Variants in COL4A2 observed in about 807,000 individuals in gnomAD.
The protein encoded by COL4A2 is collagen alpha-2(IV) chain.
COL4A2 carries 99 observed loss-of-function variants against 200.2 expected under a neutral mutation model. The observed-to-expected ratio is 0.49, with a 90% confidence interval of 0.42 to 0.58. The LOEUF (loss-of-function observed/expected upper bound fraction) is 0.58. Ranked by LOEUF, COL4A2 falls within the 20% of genes least tolerant of loss-of-function variation. The probability of loss-of-function intolerance (pLI) is 0.00; values close to 1 mark genes in which losing one functional copy is unlikely to be tolerated. For synonymous variants in COL4A2, 897 were observed against 900.6 expected (o/e 1.00, Z 0.07); for missense variants, 1,950 against 2,314.1 (o/e 0.84, Z 3.23).
intron 16 of COL4A2, among the ~76,000 whole-genome samples, chr13:110,441,361 G>A (rs77304337): frequency 0.084 from 12,726 of 152,288 alleles, 648 homozygotes; most frequent in East Asian, 0.24. Context: ...GACACGGGCC[G>A]TCTTGACCCA....
At chr13:110,442,773 C>T (rs1024100065) in intron 16 of COL4A2, among the ~76,000 whole-genome samples, 1 of 101,262 alleles carries the variant, frequency 9.9e-6, no homozygotes, top group Non-Finnish European at 2.3e-5. Flanking sequence ...GGAAACATAT[C>T]TTTAGTAACT....
intron 4 of COL4A2, among the ~76,000 whole-genome samples, chr13:110,409,668 T>A (rs4773180): frequency 9.2e-5 from 14 of 152,304 alleles, no homozygotes; most frequent in South Asian, 2.1e-4. Context: ...TGGAATGGAC[T>A]TTAATGTCAC....
Position 110,469,310 on chromosome 13 carries a change from TC to T in COL4A2, c.2192del (p.Pro731GlnfsTer7). 1 of 1,587,804 alleles carries T rather than the reference TC, an allele frequency of 6.3e-7. No individual in the cohort carries two copies. Among genetic ancestry groups the T allele is most frequent in the Non-Finnish European group, 8.6e-7 (1 of 1,167,054 alleles). On this transcript the variant is annotated frameshift_variant, in exon 28 of 48. Coordinates refer to ENST00000360467, the MANE Select transcript of COL4A2 (RefSeq NM_001846.4). LOFTEE classifies it high-confidence loss of function. ...GLPGDAGREGFPGPPGFIGPR... is the reference protein window; with the variant it reads ...GLPGDAGREGXPGPPGFIGPR... ...CCAGGAGACGCAGGTCGTGAAGGGTTCCCAGGACCCCCAGGTGAGTTGAGAT... is the reference window on the plus strand; with the variant it reads ...CCAGGAGACGCAGGTCGTGAAGGGTTCCAGGACCCCCAGGTGAGTTGAGAT...
chr13:110,410,546 G>A (rs554912359), intron 4 of COL4A2, among the ~76,000 whole-genome samples: 2 of 152,184 alleles, frequency 1.3e-5, no homozygotes, highest in African/African-American at 2.4e-5. Context: ...CTTCCCATTC[G>A]TACATGACCC....
In COL4A2 at chr13:110,409,170, CAT is replaced by C. The variant is rs147023002; in HGVS notation, c.181-15563_181-15562del. On this transcript the variant is annotated intron_variant, in intron 4 of 47. Transcript: ENST00000360467. ...ACATGTACACACATGCACATATACA[CAT>C]GTACACACATACACGCACATATACA... 1.5e-3 allele frequency among the ~76,000 whole-genome samples: 227 copies of C among 152,234 alleles called. 3 individuals are homozygous for C. The East Asian group carries it at 0.028, about 19-fold the overall frequency.
chr13:110,503,189 C>T lies in COL4A2; in HGVS notation c.3946C>T (p.Pro1316Ser), dbSNP rs1361462862. Residue 1316 changes from proline (P) to serine (S), a missense_variant, in exon 42 of 48, where the codon CCA (proline) becomes TCA (serine). Around this residue, in one of 2 missense-constraint regions of COL4A2, gnomAD observed 1,385 missense variants for 1,720.5 expected, o/e 0.80. Coordinates refer to ENST00000360467, the MANE Select transcript of COL4A2 (RefSeq NM_001846.4). Reference sequence around the variant, plus strand: ...TGGAAGCAAAGGTGACACAGGGAACCCAGGAGCTCCAGGAACCCCAGGGAC... The same window carrying T: ...TGGAAGCAAAGGTGACACAGGGAACTCAGGAGCTCCAGGAACCCCAGGGAC... Reference protein sequence around the residue: ...LPGSKGDTGNPGAPGTPGTKG... With the variant: ...LPGSKGDTGNSGAPGTPGTKG... The T allele has an allele frequency of 6.2e-7, 1 of 1,613,900 alleles. No homozygotes were observed. Among genetic ancestry groups the T allele is most frequent in the Non-Finnish European group, 8.5e-7 (1 of 1,180,004 alleles).
chr13:110,379,596 C>T (rs1413198618), intron 4 of COL4A2, among the ~76,000 whole-genome samples: 3 of 152,220 alleles, frequency 2.0e-5, no homozygotes, highest in South Asian at 4.1e-4. Flanking sequence ...AAATCCAACT[C>T]TGGAGGTGCC....
chr13:110,505,892 T>C (rs1428991857), intron 45 of COL4A2, among the ~76,000 whole-genome samples: 3 of 152,182 alleles, frequency 2.0e-5, no homozygotes, highest in African/African-American at 7.2e-5. Flanking sequence ...GGCACATGCC[T>C]ACCTATGGCT....
chr13:110,321,935 G>T (rs1805639405), intron 3 of COL4A2, among the ~76,000 whole-genome samples: 4 of 152,204 alleles, frequency 2.6e-5, no homozygotes, highest in Non-Finnish European at 4.4e-5. Context: ...ATGTGGGGAT[G>T]ATTACAATTC....
rs150599165 is a variant in COL4A2 at position 110,485,140 on chromosome 13, C to T, written c.3025+113C>T. The T allele has an allele frequency of 0.014, 13,845 of 978,290 alleles. 141 individuals are homozygous for T. Among genetic ancestry groups the T allele is most frequent in the Middle Eastern group, 0.031 (91 of 2,968 alleles). 60.6% of individuals were successfully genotyped at this position (978,290 alleles called of 1,614,324 possible). A position where few individuals can be genotyped will look rare whatever the true frequency, so the allele number is the denominator to read the frequency against. ...CCCGTGCCCTCCACCTGGCTTTCTT[C>T]GTGCTTTTCATCTCTGGGCGCCCTG... On this transcript the variant is annotated intron_variant, in intron 33 of 47. Transcript: ENST00000360467.
intron 4 of COL4A2, among the ~76,000 whole-genome samples, chr13:110,365,829 C>T (rs922739039): frequency 3.9e-5 from 6 of 152,196 alleles, no homozygotes; most frequent in African/African-American, 1.2e-4. Context: ...ATTGCTAAAA[C>T]GAAGCTAGGG....
intron 12 of COL4A2, 75 bp downstream of exon 12, chr13:110,434,517 A>G: frequency 6.8e-7 from 1 of 1,473,438 alleles, no homozygotes; most frequent in Non-Finnish European, 9.4e-7. Context: ...TTTAATTACT[A>G]AGTTCTGTGC....
Position 110,424,898 on chromosome 13 carries a change from T to C in COL4A2, c.315+30T>C, listed in dbSNP as rs115760431. On this transcript the variant is annotated intron_variant, in intron 5 of 47. Transcript: ENST00000360467. Reference sequence around the variant, plus strand: ...GCACCGCTGGTGTATTCCCCTGGCCTCATGAGGGTGGCGGGTATCTCAGCC... The same window carrying C: ...GCACCGCTGGTGTATTCCCCTGGCCCCATGAGGGTGGCGGGTATCTCAGCC... 4,530 of 1,614,170 alleles carry C rather than the reference T, an allele frequency of 2.8e-3. 121 individuals are homozygous for C. In the African/African-American group the frequency reaches 0.052, roughly 19 times the overall value.
chr13:110,327,386 A>G (rs1359965872), intron 3 of COL4A2, among the ~76,000 whole-genome samples: 1 of 152,214 alleles, frequency 6.6e-6, no homozygotes, highest in Non-Finnish European at 1.5e-5. Context: ...TCCTCGCGTC[A>G]CAGACCACAT....
chr13:110,482,442 C>T lies in COL4A2; in HGVS notation c.2759-74C>T, dbSNP rs78589207. 23 of 1,489,664 alleles carry T rather than the reference C, an allele frequency of 1.5e-5. No homozygotes were observed. The South Asian group carries it at 1.6e-4, about 11-fold the overall frequency. The allele number at this position is 1,489,664 out of a possible 1,614,324, so 92.3% of individuals were successfully genotyped here. On this transcript the variant is annotated intron_variant, in intron 31 of 47. Transcript: ENST00000360467. ...CTTGAGTTACATTGCCGAAATGTTA[C>T]GGAGACGTGAGACTGAAATGTCCCA... is the stretch of plus-strand genomic sequence containing the variant.
At chr13:110,345,760 G>C (rs1876672006) in intron 3 of COL4A2, among the ~76,000 whole-genome samples, 1 of 152,160 alleles carries the variant, frequency 6.6e-6, no homozygotes, top group South Asian at 2.1e-4. Flanking sequence ...GGTGGTTTCT[G>C]GCAATTGGTC....
At chr13:110,315,427 ACT>A (rs1214649653) in intron 3 of COL4A2, among the ~76,000 whole-genome samples, 1 of 151,942 alleles carries the variant, frequency 6.6e-6, no homozygotes, top group Admixed American at 6.6e-5. Flanking sequence ...GTGGAGTCTC[ACT>A]CTGTCACCCA....
chr13:110,450,399 T>A lies in COL4A2; in HGVS notation c.1284T>A (p.Asp428Glu), dbSNP rs1283027266. 1.2e-6 allele frequency: 2 copies of A among 1,613,924 alleles called. No homozygotes were observed. The highest frequency in any genetic ancestry group is 1.7e-6 in the Non-Finnish European group (2 of 1,179,976). The stretch of plus-strand genomic sequence containing the variant: ...TCTACGGGGGCCCACCTGGACCTGA[T>A]GGAAAGCGAGGGCCTCCAGGACCCC... ...PALYGGPPGP[D>E]GKRGPPGPPG... Residue 428 changes from aspartate (D) to glutamate (E), a missense_variant, in exon 20 of 48, where the codon GAT (aspartate) becomes GAA (glutamate). Physicochemically the swap from Asp to Glu is conservative, Grantham distance 45. Transcript: ENST00000360467.
chr13:110,420,856 A>G (rs967247992), intron 4 of COL4A2, among the ~76,000 whole-genome samples: 4 of 152,228 alleles, frequency 2.6e-5, no homozygotes. Flanking sequence ...GTAAATGTCC[A>G]TTTAATCCCA....
Sources: gnomAD v4.1 joint callset for allele counts (sites outside exome capture counted in the v4.1 genomes callset) on GRCh38, gnomAD v4.1.1 for gene constraint, gnomAD v4.1.1 regional missense constraint, MANE v1.5 for transcripts, NCBI Gene and HGNC (gene_info 2026-07-23, HGNC 2026-07-21) for gene names.